OCA2: variants seen among roughly 807,000 people sequenced by gnomAD.
OCA2 encodes P protein.
OCA2 carries 77 observed loss-of-function variants against 100.2 expected under a neutral mutation model. The observed-to-expected ratio is 0.77, with a 90% CI of 0.64 to 0.93. OCA2 has a LOEUF of 0.93. OCA2 is among the 40% of genes least tolerant of loss of function. OCA2 has a pLI of 0.00. For missense variants in OCA2, 1,062 were observed against 1,089.1 expected, an observed-to-expected ratio of 0.98 and a Z score of 0.35; for synonymous variants, 432 against 439.2, an observed-to-expected ratio of 0.98 and a Z score of 0.21.
intron 14 of OCA2, among the ~76,000 whole-genome samples, chr15:27,979,248 T>C (rs955626100): frequency 4.6e-5 from 7 of 152,226 alleles, no homozygotes; most frequent in African/African-American, 1.7e-4. Flanking sequence ...TAAGCTATGA[T>C]GTTCAGTAGG....
intron 7 of OCA2, among the ~76,000 whole-genome samples, chr15:28,016,734 TCATAC>T (rs2042405691): frequency 6.6e-6 from 1 of 151,978 alleles, no homozygotes; most frequent in Non-Finnish European, 1.5e-5. Flanking sequence ...TGAGCTGAGA[TCATAC>T]CACTACACCC....
chr15:28,077,279 G>A (rs549455749), intron 2 of OCA2, among the ~76,000 whole-genome samples: 124 of 152,132 alleles, frequency 8.2e-4, no homozygotes, highest in African/African-American at 2.8e-3. Context: ...GGCTGGTCTC[G>A]AACTCCTGAC....
chr15:27,923,857 T>C (rs878907542), intron 19 of OCA2, among the ~76,000 whole-genome samples: 1 of 152,230 alleles, frequency 6.6e-6, no homozygotes, highest in Non-Finnish European at 1.5e-5. Context: ...AGAAGCTCTT[T>C]AGTTTAATAG....
chr15:28,093,424 A>G (rs951210427), intron 1 of OCA2, among the ~76,000 whole-genome samples: 3 of 143,488 alleles, frequency 2.1e-5, no homozygotes, highest in African/African-American at 7.7e-5. Context: ...AAAAAAAAAA[A>G]GAAAGAAAGA....
chr15:27,729,300 T>C, the OCA2 span, among the ~76,000 whole-genome samples: 1 of 150,750 alleles, frequency 6.6e-6, no homozygotes, highest in Non-Finnish European at 1.5e-5. Context: ...TTTTTTTTTT[T>C]TTTTTTTTTT....
the OCA2 span, among the ~76,000 whole-genome samples, chr15:27,730,317 C>T: frequency 6.6e-6 from 1 of 152,132 alleles, no homozygotes; most frequent in Non-Finnish European, 1.5e-5. Flanking sequence ...CACCGAGCTT[C>T]CCTGGCCTCT....
the OCA2 span, among the ~76,000 whole-genome samples, chr15:27,736,437 G>T: frequency 6.6e-6 from 1 of 152,332 alleles, no homozygotes; most frequent in African/African-American, 2.4e-5. Flanking sequence ...GGTGGCATCT[G>T]AAAGGCAGGA....
intron 2 of OCA2, among the ~76,000 whole-genome samples, chr15:28,059,722 G>T (rs906277582): frequency 6.6e-6 from 1 of 152,190 alleles, no homozygotes; most frequent in Non-Finnish European, 1.5e-5. Context: ...AAAAAGGGAA[G>T]AGCAAATCTC....
intron 23 of OCA2, among the ~76,000 whole-genome samples, chr15:27,815,445 G>T (rs551419541): frequency 1.3e-5 from 2 of 152,302 alleles, no homozygotes; most frequent in South Asian, 2.1e-4. Flanking sequence ...ATGAGGAAAA[G>T]ATGGCATAAC....
chr15:27,896,987 C>G (rs1231179048), intron 19 of OCA2, among the ~76,000 whole-genome samples: 2 of 152,012 alleles, frequency 1.3e-5, no homozygotes, highest in South Asian at 2.1e-4. Flanking sequence ...TCAGGAGATC[C>G]AGATCATCCT....
intron 4 of OCA2, among the ~76,000 whole-genome samples, chr15:28,026,668 C>T (rs1001261486): frequency 2.0e-5 from 3 of 152,140 alleles, no homozygotes; most frequent in Non-Finnish European, 4.4e-5. Context: ...CCTCCGTGTA[C>T]CTCCCAGGAT....
At chr15:28,006,583 C>T (rs932753913) in intron 9 of OCA2, among the ~76,000 whole-genome samples, 1 of 152,176 alleles carries the variant, frequency 6.6e-6, no homozygotes, top group Non-Finnish European at 1.5e-5. Context: ...ATGTGTTAAG[C>T]AGAGGGAGTG....
chr15:27,984,264 A>G (rs11074318), intron 13 of OCA2, among the ~76,000 whole-genome samples: 113,332 of 151,848 alleles, frequency 0.75, 43,637 homozygotes, highest in East Asian at 1. Context: ...GGAGTCCTAC[A>G]ACTCGCCCAG....
the OCA2 span, among the ~76,000 whole-genome samples, chr15:27,738,693 C>A: frequency 6.8e-6 from 1 of 147,610 alleles, no homozygotes; most frequent in Non-Finnish European, 1.5e-5. Flanking sequence ...CGAGATCGCG[C>A]CACCGCACTC....
At chr15:27,841,239 T>C (rs552547395) in intron 23 of OCA2, among the ~76,000 whole-genome samples, 87 of 152,342 alleles carry the variant, frequency 5.7e-4, no homozygotes, top group African/African-American at 2.0e-3. Flanking sequence ...TCCATTTATG[T>C]AGCATTCTTG....
At position 27,756,075 on chromosome 15, in the gene OCA2, G is replaced by A. The variant is rs2030343934; in HGVS notation, c.2433-603C>T. On this transcript the variant is annotated intron_variant, in intron 23 of 23. Transcript: ENST00000354638. Reference sequence around the variant, plus strand: ...AGAAGAGAGAAGCATCCCTCATTGTGTGCCTCCTCCAATGTACACACATCT... The same window carrying A: ...AGAAGAGAGAAGCATCCCTCATTGTATGCCTCCTCCAATGTACACACATCT... 4.6e-5 allele frequency among the ~76,000 whole-genome samples: 7 copies of A among 152,204 alleles called. No individual in the cohort carries two copies. In the South Asian group the frequency reaches 1.4e-3, roughly 31 times the overall value.
chr15:27,819,040 G>A (rs1027467778), intron 23 of OCA2, among the ~76,000 whole-genome samples: 4 of 152,132 alleles, frequency 2.6e-5, no homozygotes, highest in Non-Finnish European at 5.9e-5. Flanking sequence ...CCACTTACTA[G>A]CTTACAAATA....
chr15:27,893,516 T>C (rs1249931505), intron 19 of OCA2, among the ~76,000 whole-genome samples: 1 of 152,156 alleles, frequency 6.6e-6, no homozygotes, highest in Non-Finnish European at 1.5e-5. Context: ...AAGTAGGAAA[T>C]ATATCACTAA....
chr15:27,828,976 T>G (rs1418552155), intron 23 of OCA2, among the ~76,000 whole-genome samples: 2 of 152,190 alleles, frequency 1.3e-5, no homozygotes, highest in Non-Finnish European at 2.9e-5. Context: ...AGCACTGTCC[T>G]GAAGACATCC....
Sources: allele counts gnomAD v4.1 joint callset (sites outside exome capture counted in the v4.1 genomes callset), GRCh38; gene constraint gnomAD v4.1.1; transcripts MANE v1.5; gene names NCBI Gene and HGNC (gene_info 2026-07-23, HGNC 2026-07-21).